MAP7D3: variants seen among roughly 807,000 people sequenced by gnomAD.
MAP7D3 encodes the protein MAP7 domain containing 3.
MAP7D3 carries 45 observed loss-of-function variants against 62.2 expected under a neutral mutation model. The observed-to-expected ratio is 0.72, with a 90% confidence interval of 0.57 to 0.93. The LOEUF (loss-of-function observed/expected upper bound fraction) is 0.93. MAP7D3 is among the 40% of genes least tolerant of loss of function. MAP7D3 has a pLI of 0.00. For synonymous variants in MAP7D3, 288 were observed against 248.8 expected (o/e 1.16, Z -1.48); for missense variants, 711 against 683.1 (o/e 1.04, Z -0.45).
rs2074364460 is a variant in MAP7D3 at position 136,239,456 on chromosome X, T to C, written c.640+926A>G. Among the ~76,000 whole-genome samples the C allele has an allele frequency of 5.3e-5, 6 of 112,153 alleles. No homozygotes were observed. In the South Asian group the frequency reaches 2.2e-3, roughly 42 times the overall value. On this transcript the variant is annotated intron_variant, in intron 6 of 18. Coordinates refer to ENST00000316077, the MANE Select transcript of MAP7D3 (RefSeq NM_024597.4). ...TTGGGGGAAAACATTGACTTATAAA[T>C]GAAAGGTACAACTTAAATATCATGA... is the stretch of plus-strand genomic sequence containing the variant.
chrX:136,240,645 A>G (rs1453621861), intron 5 of MAP7D3, among the ~76,000 whole-genome samples, 159 bp from the exon 6 acceptor site: 2 of 111,325 alleles, frequency 1.8e-5, no homozygotes, highest in Non-Finnish European at 3.8e-5. Flanking sequence ...TTTTTAGTAG[A>G]GACGGGGCTT....
chrX:136,237,053 C>T (rs1015732772), intron 6 of MAP7D3, among the ~76,000 whole-genome samples: 2 of 112,302 alleles, frequency 1.8e-5, no homozygotes, highest in Non-Finnish European at 3.8e-5. Flanking sequence ...GGTATAAATG[C>T]CACGATTTAA....
At chrX:136,229,993 A>ATATATT (rs1210531192) in intron 10 of MAP7D3, among the ~76,000 whole-genome samples, 2 of 48,126 alleles carry the variant, frequency 4.2e-5, no homozygotes, top group African/African-American at 9.4e-5. Flanking sequence ...ATATATATAT[A>ATATATT]TTTTTTTTTT....
At chrX:136,236,077 T>C (rs922604614) in intron 7 of MAP7D3, among the ~76,000 whole-genome samples, 167 bp downstream of exon 7, 2 of 112,567 alleles carry the variant, frequency 1.8e-5, no homozygotes, top group Admixed American at 1.9e-4. Flanking sequence ...TAAAGACAGA[T>C]TTTTCTGGCT....
At chrX:136,235,533 G>A (rs190894595) in intron 7 of MAP7D3, among the ~76,000 whole-genome samples, 2 of 111,861 alleles carry the variant, frequency 1.8e-5, no homozygotes, top group Admixed American at 1.9e-4. Flanking sequence ...CGGATCATCT[G>A]AGGTCAGGAG....
chrX:136,245,741 C>T (rs1386399657), intron 3 of MAP7D3, among the ~76,000 whole-genome samples: 2 of 109,244 alleles, frequency 1.8e-5, no homozygotes, highest in East Asian at 2.8e-4. Context: ...AGTAAGACTC[C>T]GCCTCAAAAC....
At chrX:136,249,092 C>A (rs1270731711) in intron 1 of MAP7D3, among the ~76,000 whole-genome samples, 1 of 111,564 alleles carries the variant, frequency 9.0e-6, no homozygotes, top group African/African-American at 3.3e-5. Context: ...AATTTTCTAC[C>A]ATTTAGAGCT....
At chrX:136,251,654 GC>G, upstream of MAP7D3, 2 of 536,134 alleles carry the variant, frequency 3.7e-6, no homozygotes, top group Non-Finnish European at 4.6e-6. Context: ...ACCCAGCTTG[GC>G]CCCCCCAACA....
At chrX:136,255,919 C>A (rs1468079626), upstream of MAP7D3, 5 of 225,936 alleles carry the variant, frequency 2.2e-5, no homozygotes, top group Admixed American at 3.7e-4. Flanking sequence ...ACATTTGTTT[C>A]TATTAAAAGA....
At chrX:136,216,576 G>A (rs2074066315), downstream of MAP7D3, among the ~76,000 whole-genome samples, 1 of 109,504 alleles carries the variant, frequency 9.1e-6, no homozygotes, top group Non-Finnish European at 1.9e-5. Context: ...CTCCAGCCTT[G>A]GCCACAGAGT....
intron 11 of MAP7D3, 54 bp from the exon 12 acceptor site, chrX:136,227,485 C>T (rs2074211967): frequency 1.1e-6 from 1 of 939,147 alleles, no homozygotes; most frequent in Non-Finnish European, 1.5e-6. Context: ...TCATACTCAG[C>T]TTGCACTAGT....
chrX:136,254,333 C>T (rs2074539570), upstream of MAP7D3, among the ~76,000 whole-genome samples: 2 of 110,834 alleles, frequency 1.8e-5, no homozygotes, highest in South Asian at 8.0e-4. Flanking sequence ...GATTCACCCT[C>T]CTTGGCATCC....
At chrX:136,214,975 G>C (rs1483617929), downstream of MAP7D3, 1 of 112,088 alleles carries the variant, frequency 8.9e-6, no homozygotes, top group Non-Finnish European at 1.9e-5. Context: ...GCAGTGAAGA[G>C]TTTCCAGCTC....
chrX:136,236,382 C>A (rs190180508), intron 6 of MAP7D3, 43 bp from the exon 7 acceptor site: 2 of 786,201 alleles, frequency 2.5e-6, no homozygotes, highest in African/African-American at 4.1e-5. Context: ...TCATAAACTA[C>A]TAATTATCTC....
chrX:136,244,612 C>T lies in MAP7D3; in HGVS notation c.417+20G>A, dbSNP rs748890054. 7 of 1,197,788 alleles carry T rather than the reference C, an allele frequency of 5.8e-6. No homozygotes were observed. The highest frequency in any genetic ancestry group is 7.9e-6 in the Non-Finnish European group (7 of 887,265). ...GCAACACAGTTTATCCTCTCATGCA[C>T]AGGCTGCAAAATTATGTACCTTTTG... On this transcript the variant is annotated intron_variant, in intron 4 of 18. Coordinates refer to ENST00000316077, the MANE Select transcript of MAP7D3 (RefSeq NM_024597.4).
intron 9 of MAP7D3, 83 bp downstream of exon 9, chrX:136,230,756 A>G (rs2074257106): frequency 5.9e-6 from 6 of 1,025,346 alleles, no homozygotes; most frequent in Non-Finnish European, 6.7e-6. Flanking sequence ...CATGCATACT[A>G]TATTATTTCA....
At position 136,230,506 on chromosome X, in the gene MAP7D3, C is replaced by G; in HGVS notation, c.1629G>C (p.Met543Ile). ...SPQTSFPYKI[M>I]PIQHTLSVQS... The stretch of plus-strand genomic sequence containing the variant: ...GCACAGACAGGGTGTGTTGAATAGG[C>G]ATTATTTTATAAGGAAAAGAAGTCT... The change falls in exon 10 of 19, where the codon ATG (methionine) becomes ATC (isoleucine). Residue 543 changes from methionine (M) to isoleucine (I), a missense_variant. Met to Ile is a conservative substitution (Grantham distance 10). Coordinates refer to ENST00000316077, the MANE Select transcript of MAP7D3 (RefSeq NM_024597.4). 1 of 1,185,978 alleles carries G rather than the reference C, an allele frequency of 8.4e-7. No individual in the cohort carries two copies. The highest frequency in any genetic ancestry group is 1.1e-6 in the Non-Finnish European group (1 of 872,344).
chrX:136,232,065 G>A lies in MAP7D3; in HGVS notation c.892C>T (p.Pro298Ser), dbSNP rs1294767825. Reference sequence around the variant, plus strand: ...GGTGCATCCACACTTGCCTTGGGAGGTGTCTCTACTTTCTCCAAGGGAGAC... The same window carrying A: ...GGTGCATCCACACTTGCCTTGGGAGATGTCTCTACTTTCTCCAAGGGAGAC... ...EESPLEKVET[P>S]PKASVDAPPQ... The change falls in exon 8 of 19, where the codon CCT becomes TCT. Residue 298 changes from proline to serine, a missense_variant. By Grantham distance (74) the Pro-to-Ser change is moderately conservative. Transcript: ENST00000316077. 8 of 1,209,208 alleles carry A rather than the reference G, an allele frequency of 6.6e-6. No homozygotes were observed. Among genetic ancestry groups the A allele is most frequent in the Middle Eastern group, 4.6e-4 (2 of 4,351 alleles).
intron 7 of MAP7D3, 36 bp from the exon 8 acceptor site, chrX:136,232,256 G>A (rs1487991021): frequency 1.0e-6 from 1 of 992,640 alleles, no homozygotes; most frequent in African/African-American, 1.9e-5. Flanking sequence ...CCCTAAGTTA[G>A]AAATCTGACA....
Sources: gnomAD v4.1 joint callset for allele counts (sites outside exome capture counted in the v4.1 genomes callset) on GRCh38, gnomAD v4.1.1 for gene constraint, MANE v1.5 for transcripts, NCBI Gene and HGNC (gene_info 2026-07-23, HGNC 2026-07-21) for gene names.